Variants in CCSER1 observed in about 807,000 individuals in gnomAD.
The protein encoded by CCSER1 is coiled-coil serine rich protein 1, also known as serine-rich coiled-coil domain-containing protein 1.
CCSER1 carries 41 observed loss-of-function variants against 82.0 expected under a neutral mutation model. The observed-to-expected ratio is 0.50, with a 90% CI of 0.39 to 0.65. The LOEUF is 0.65. Among genes scored for constraint, CCSER1 ranks in the 30% least tolerant of loss-of-function variants. The pLI, the probability that CCSER1 is intolerant of heterozygous loss-of-function variation, is 0.00. For missense variants in CCSER1, 1,119 were observed against 1,064.2 expected (o/e 1.05, Z -0.72); for synonymous variants, 414 against 383.9 (o/e 1.08, Z -0.92).
At chr4:91,113,037 T>G (rs528993933) in intron 10 of CCSER1, among the ~76,000 whole-genome samples, 1 of 152,354 alleles carries the variant, frequency 6.6e-6, no homozygotes, top group South Asian at 2.1e-4. Context: ...TTACCTATTC[T>G]GTGGCATATT....
At chr4:91,181,757 G>T (rs369775370) in intron 10 of CCSER1, among the ~76,000 whole-genome samples, 1 of 152,150 alleles carries the variant, frequency 6.6e-6, no homozygotes, top group Non-Finnish European at 1.5e-5. Flanking sequence ...AAACAAGTAC[G>T]TTCATTTTTT....
intron 4 of CCSER1, among the ~76,000 whole-genome samples, chr4:90,449,788 G>A (rs985602325): frequency 2.0e-5 from 3 of 152,254 alleles, no homozygotes; most frequent in Non-Finnish European, 4.4e-5. Flanking sequence ...AAGCCTCCAA[G>A]AGCAGAGAGG....
chr4:90,360,046 C>T (rs1745076289), intron 3 of CCSER1, among the ~76,000 whole-genome samples: 2 of 148,530 alleles, frequency 1.3e-5, no homozygotes, highest in South Asian at 4.2e-4. Context: ...GCCTCTCGAG[C>T]AGCAAGGGTT....
At chr4:91,007,581 A>G (rs1738624601) in intron 9 of CCSER1, among the ~76,000 whole-genome samples, 2 of 150,696 alleles carry the variant, frequency 1.3e-5, no homozygotes, top group Admixed American at 6.6e-5. Context: ...TATTGCATCA[A>G]TGGTAATGTC....
chr4:91,012,680 A>AACACACTGCTACAACAGT, intron 9 of CCSER1, among the ~76,000 whole-genome samples: 1 of 152,124 alleles, frequency 6.6e-6, no homozygotes, highest in African/African-American at 2.4e-5. Context: ...GCTACAACAG[A>AACACACTGCTACAACAGT]ACACACTCCA....
intron 5 of CCSER1, among the ~76,000 whole-genome samples, chr4:90,525,985 T>A (rs1773711133): frequency 6.6e-6 from 1 of 152,160 alleles, no homozygotes; most frequent in African/African-American, 2.4e-5. Flanking sequence ...TACATAGCAA[T>A]GTGTTTTAGT....
intron 10 of CCSER1, among the ~76,000 whole-genome samples, chr4:91,483,067 T>C (rs10023259): frequency 0.83 from 125,611 of 151,566 alleles, 52,381 homozygotes; most frequent in East Asian, 0.93. Flanking sequence ...ACGTTGTGCA[T>C]ATGTACCCTA....
chr4:90,289,238 G>A (rs1403253748), intron 1 of CCSER1, among the ~76,000 whole-genome samples: 2 of 151,894 alleles, frequency 1.3e-5, no homozygotes, highest in African/African-American at 2.4e-5. Flanking sequence ...TGGCTTGACA[G>A]TATTGATGAA....
intron 10 of CCSER1, among the ~76,000 whole-genome samples, chr4:91,326,079 C>A (rs536420824): frequency 1.1e-3 from 163 of 151,616 alleles, no homozygotes; most frequent in Non-Finnish European, 1.8e-3. Context: ...ACATTTGTGA[C>A]ATTTTAATAA....
At chr4:90,158,223 C>T (rs560108278) in intron 1 of CCSER1, among the ~76,000 whole-genome samples, 9 of 152,164 alleles carry the variant, frequency 5.9e-5, no homozygotes, top group Non-Finnish European at 1.0e-4. Flanking sequence ...GCTGTCTGAT[C>T]GTTCCTCTGG....
At chr4:91,404,078 G>C (rs1752522647) in intron 10 of CCSER1, among the ~76,000 whole-genome samples, 1 of 152,228 alleles carries the variant, frequency 6.6e-6, no homozygotes, top group South Asian at 2.1e-4. Flanking sequence ...TTCAGAGCCT[G>C]TTATTGCTCT....
chr4:90,258,316 C>A (rs904281071), intron 1 of CCSER1, among the ~76,000 whole-genome samples: 1 of 152,098 alleles, frequency 6.6e-6, no homozygotes, highest in Non-Finnish European at 1.5e-5. Flanking sequence ...AGATTGAGAT[C>A]ATCTTGGCCA....
chr4:91,384,471 A>C (rs560582047), intron 10 of CCSER1, among the ~76,000 whole-genome samples: 6 of 151,794 alleles, frequency 4.0e-5, no homozygotes, highest in African/African-American at 1.2e-4. Context: ...AACAGTCAAA[A>C]ATCTTTTTTT....
At chr4:90,691,937 G>A (rs771771151) in intron 6 of CCSER1, among the ~76,000 whole-genome samples, 7 of 151,062 alleles carry the variant, frequency 4.6e-5, no homozygotes, top group Non-Finnish European at 8.9e-5. Flanking sequence ...TATATTAAGT[G>A]ACATGTTAAT....
At chr4:90,743,508 G>A (rs888460507) in intron 7 of CCSER1, among the ~76,000 whole-genome samples, 2 of 152,158 alleles carry the variant, frequency 1.3e-5, no homozygotes, top group African/African-American at 4.8e-5. Context: ...GAAGCCTTAT[G>A]TCAGAATATG....
intron 4 of CCSER1, among the ~76,000 whole-genome samples, chr4:90,402,369 T>G (rs1752998421): frequency 6.6e-6 from 1 of 152,218 alleles, no homozygotes; most frequent in Admixed American, 6.5e-5. Flanking sequence ...ATAGTTAATT[T>G]TATTGGGTGT....
At chr4:90,923,284 T>C (rs944990155) in intron 8 of CCSER1, 86 bp from the exon 9 acceptor site, 2 of 914,396 alleles carry the variant, frequency 2.2e-6, no homozygotes, top group Non-Finnish European at 3.5e-6. Flanking sequence ...AATTATACAC[T>C]AATCAAATTT....
At chr4:90,148,051 G>C (rs905823558) in intron 1 of CCSER1, among the ~76,000 whole-genome samples, 1 of 152,138 alleles carries the variant, frequency 6.6e-6, no homozygotes, top group Non-Finnish European at 1.5e-5. Context: ...TGTAATCCCA[G>C]CTACTTGGGA....
At chr4:90,315,745 C>G (rs1456252759) in intron 3 of CCSER1, among the ~76,000 whole-genome samples, 2 of 152,156 alleles carry the variant, frequency 1.3e-5, no homozygotes, top group Non-Finnish European at 2.9e-5. Flanking sequence ...CTCAGGTGAT[C>G]CACTCACATC....
Sources: allele counts gnomAD v4.1 joint callset (sites outside exome capture counted in the v4.1 genomes callset), GRCh38; gene constraint gnomAD v4.1.1; transcripts MANE v1.5; gene names NCBI Gene and HGNC (gene_info 2026-07-23, HGNC 2026-07-21).